Variants in ACAD9 observed in about 807,000 individuals in gnomAD.
ACAD9 encodes the protein acyl-CoA dehydrogenase family member 9, also known as complex I assembly factor ACAD9, mitochondrial.
ACAD9 carries 53 observed loss-of-function variants against 70.2 expected under a neutral mutation model. That is an observed-to-expected ratio of 0.75 (90% CI 0.61 to 0.95). The LOEUF (loss-of-function observed/expected upper bound fraction) is 0.95. ACAD9 is among the 40% of genes least tolerant of loss of function. ACAD9 has a pLI of 0.00. For synonymous variants in ACAD9, 313 were observed against 312.1 expected (o/e 1.00, Z -0.03); for missense variants, 777 against 802.8 (o/e 0.97, Z 0.39).
chr3:128,900,490 G>A (rs1426159291), intron 7 of ACAD9, among the ~76,000 whole-genome samples: 4 of 151,096 alleles, frequency 2.6e-5, no homozygotes, highest in East Asian at 1.9e-4. Context: ...CGCTCACCTC[G>A]GCCTCCCAAA....
At chr3:128,901,129 A>G in intron 7 of ACAD9, 147 bp from the exon 8 acceptor site, 1 of 773,410 alleles carries the variant, frequency 1.3e-6, no homozygotes, top group Non-Finnish European at 2.2e-6. Context: ...ATGAGCCTCC[A>G]CAAAGATAGG....
At chr3:128,897,770 G>GGA in intron 6 of ACAD9, 60 bp downstream of exon 6, 1 of 1,459,784 alleles carries the variant, frequency 6.9e-7, no homozygotes, top group Non-Finnish European at 9.5e-7. Context: ...CTGCCACTGA[G>GGA]TGAGCACTCT....
intron 2 of ACAD9, among the ~76,000 whole-genome samples, chr3:128,889,750 A>G (rs561441291): frequency 6.6e-6 from 1 of 152,332 alleles, no homozygotes; most frequent in South Asian, 2.1e-4. Flanking sequence ...CCATTCAAGT[A>G]TTCATCAACA....
chr3:128,889,887 T>A (rs1935366748), intron 2 of ACAD9, among the ~76,000 whole-genome samples: 1 of 152,162 alleles, frequency 6.6e-6, no homozygotes, highest in African/African-American at 2.4e-5. Flanking sequence ...AGTGGTGTGA[T>A]CATAGCTCAC....
At chr3:128,888,181 A>G (rs969184928) in intron 2 of ACAD9, among the ~76,000 whole-genome samples, 2 of 152,216 alleles carry the variant, frequency 1.3e-5, no homozygotes, top group African/African-American at 4.8e-5. Context: ...GGAACATGGT[A>G]CTTTGGACTA....
chr3:128,880,927 T>C (rs1161692678), intron 1 of ACAD9, among the ~76,000 whole-genome samples: 1 of 152,250 alleles, frequency 6.6e-6, no homozygotes, highest in African/African-American at 2.4e-5. Flanking sequence ...TCTTGCTCTT[T>C]CCTTTGTATT....
intron 2 of ACAD9, among the ~76,000 whole-genome samples, chr3:128,888,780 T>C (rs549071541): frequency 2.0e-5 from 3 of 152,258 alleles, no homozygotes; most frequent in South Asian, 2.1e-4. Flanking sequence ...ACATAATTTA[T>C]AATTTAGAAA....
chr3:128,899,150 T>C, intron 6 of ACAD9, 137 bp from the exon 7 acceptor site: 1 of 826,142 alleles, frequency 1.2e-6, no homozygotes, highest in Non-Finnish European at 2.0e-6. Context: ...CATGCTTGGT[T>C]GGCTTCTGCA....
Position 128,909,106 on chromosome 3 carries a change from G to A in ACAD9, c.1485+7G>A. 6.2e-7 allele frequency: 1 copy of A among 1,613,896 alleles called. No homozygotes were observed. Among genetic ancestry groups the A allele is most frequent in the Non-Finnish European group, 8.5e-7 (1 of 1,179,988 alleles). ...TGTGCACCCCAGTCTTGCGGTGAGTGGGCCTAACAGGCATACCCCCTATTT... is the reference window on the plus strand; with the variant it reads ...TGTGCACCCCAGTCTTGCGGTGAGTAGGCCTAACAGGCATACCCCCTATTT... On this transcript the variant is annotated splice_region_variant and intron_variant, in intron 14 of 17. Transcript: ENST00000308982.
intron 11 of ACAD9, 70 bp downstream of exon 11, chr3:128,904,575 C>G: frequency 1.3e-6 from 2 of 1,567,482 alleles, no homozygotes; most frequent in Non-Finnish European, 1.7e-6. Context: ...TGTGACCTTT[C>G]AAGCCCATGC....
rs138871762 is a variant in ACAD9, at chr3:128,910,132, C to T, written c.1675C>T (p.Arg559Cys). The change falls in exon 16 of 18, where the codon CGC becomes TGC. Residue 559 changes from arginine to cysteine, a missense_variant. Physicochemically the swap from Arg to Cys is radical, Grantham distance 180. Coordinates refer to ENST00000308982, the MANE Select transcript of ACAD9 (RefSeq NM_014049.5). ...RASRSIRIGL[R>C]NHDHEVLLAN... ...CAGCCGCTCCATCCGCATTGGGCTC[C>T]GCAACCACGACCACGAGGTGAGCCC... 68 of 1,613,938 alleles carry T rather than the reference C, an allele frequency of 4.2e-5. No individual in the cohort carries two copies. The highest frequency in any genetic ancestry group is 1.6e-4 in the Middle Eastern group (1 of 6,074).
At chr3:128,883,171 C>T (rs1935142848) in intron 1 of ACAD9, among the ~76,000 whole-genome samples, 1 of 151,684 alleles carries the variant, frequency 6.6e-6, no homozygotes, top group Admixed American at 6.6e-5. Flanking sequence ...TCACTGCAGC[C>T]TCAACCTCCC....
In ACAD9 at chr3:128,881,011, A is replaced by G. The variant is rs373746823; in HGVS notation, c.150+1170A>G. 1.2e-4 allele frequency among the ~76,000 whole-genome samples: 18 copies of G among 152,330 alleles called. No homozygotes were observed. The South Asian group carries it at 3.3e-3, about 28-fold the overall frequency. On this transcript the variant is annotated intron_variant, in intron 1 of 17. Transcript: ENST00000308982. The stretch of plus-strand genomic sequence containing the variant: ...GGTGCCCTACTTTGAACTTGGCTGA[A>G]TGTTGGCTGATCCTGTATCACAGAA...
At chr3:128,892,832 T>G (rs190508100) in intron 2 of ACAD9, among the ~76,000 whole-genome samples, 21 of 152,336 alleles carry the variant, frequency 1.4e-4, no homozygotes, top group Non-Finnish European at 2.9e-4. Context: ...AGTACAATTC[T>G]GAGACTTGCA....
At chr3:128,888,127 C>T (rs147137275) in intron 2 of ACAD9, among the ~76,000 whole-genome samples, 6 of 150,840 alleles carry the variant, frequency 4.0e-5, no homozygotes, top group African/African-American at 1.2e-4. Flanking sequence ...TTTTCTGAAT[C>T]CTTGATCAAG....
At chr3:128,911,011 T>C (rs1936239815) in intron 17 of ACAD9, among the ~76,000 whole-genome samples, 198 bp downstream of exon 17, 1 of 152,216 alleles carries the variant, frequency 6.6e-6, no homozygotes, top group Non-Finnish European at 1.5e-5. Flanking sequence ...CCTGCCCCAT[T>C]CACCAAGGCA....
chr3:128,901,415 T>G, intron 8 of ACAD9, 66 bp downstream of exon 8: 5 of 1,561,734 alleles, frequency 3.2e-6, no homozygotes, highest in Non-Finnish European at 4.4e-6. Context: ...GCCCCCAGCT[T>G]TTGCCCTATC....
At chr3:128,910,680 G>A in intron 16 of ACAD9, 61 bp from the exon 17 acceptor site, 1 of 1,594,112 alleles carries the variant, frequency 6.3e-7, no homozygotes, top group Non-Finnish European at 8.6e-7. Context: ...CTGGGTTTTT[G>A]AAGCTCAGAG....
In ACAD9 at chr3:128,901,366, A is replaced by C; in HGVS notation, c.882+17A>C. On this transcript the variant is annotated intron_variant, in intron 8 of 17. Transcript: ENST00000308982. Reference sequence around the variant, plus strand: ...GGGTTTAAGGTGAGTTGCCAGCCACAGCCCCTTGTACCAGGTAGTGTCATG... The same window carrying C: ...GGGTTTAAGGTGAGTTGCCAGCCACCGCCCCTTGTACCAGGTAGTGTCATG... The C allele has an allele frequency of 6.2e-7, 1 of 1,613,950 alleles. No individual in the cohort carries two copies. Among genetic ancestry groups the C allele is most frequent in the Non-Finnish European group, 8.5e-7 (1 of 1,179,786 alleles).
Sources: gnomAD v4.1 joint callset for allele counts (sites outside exome capture counted in the v4.1 genomes callset) on GRCh38, gnomAD v4.1.1 for gene constraint, MANE v1.5 for transcripts, NCBI Gene and HGNC (gene_info 2026-07-23, HGNC 2026-07-21) for gene names.